SIMC1: variants seen among roughly 807,000 people sequenced by gnomAD.
SIMC1 encodes SUMO-interacting motif-containing protein 1.
A neutral mutation model predicts 82.3 loss-of-function variants in SIMC1; 55 were observed. The ratio of observed to expected loss-of-function variants is 0.67; its 90% CI spans 0.54 to 0.84. The LOEUF (loss-of-function observed/expected upper bound fraction) is 0.84, where lower values mean the gene tolerates loss of function less well. Among genes scored for constraint, SIMC1 ranks in the 40% least tolerant of loss-of-function variants. The pLI, the probability that SIMC1 is intolerant of heterozygous loss-of-function variation, is 0.00. For synonymous variants in SIMC1, 353 were observed against 426.3 expected, an observed-to-expected ratio of 0.83 and a Z score of 2.12; for missense variants, 915 against 1,107.2, an observed-to-expected ratio of 0.83 and a Z score of 2.46.
intron 1 of SIMC1, among the ~76,000 whole-genome samples, chr5:176,246,210 C>T (rs995370862): frequency 6.6e-6 from 1 of 151,694 alleles, no homozygotes; most frequent in Non-Finnish European, 1.5e-5. Context: ...CGGGGTTTCA[C>T]CATATTGGCC....
chr5:176,258,035 A>G (rs1387141562), intron 1 of SIMC1, among the ~76,000 whole-genome samples: 1 of 152,192 alleles, frequency 6.6e-6, no homozygotes, highest in East Asian at 1.9e-4. Context: ...ATGTCTTTAC[A>G]ATATTGTCTT....
intron 1 of SIMC1, among the ~76,000 whole-genome samples, chr5:176,282,522 G>A (rs570199512): frequency 5.3e-5 from 8 of 152,316 alleles, no homozygotes; most frequent in East Asian, 3.9e-4. Context: ...CGTCTTCTGC[G>A]TCGCTCACGC....
At chr5:176,250,781 A>C (rs963338739) in intron 1 of SIMC1, among the ~76,000 whole-genome samples, 4 of 152,096 alleles carry the variant, frequency 2.6e-5, no homozygotes, top group African/African-American at 9.7e-5. Context: ...CTAGCATTGC[A>C]ACCCTTTTTG....
intron 1 of SIMC1, chr5:176,270,197 C>T (rs1461990144): frequency 4.0e-5 from 6 of 151,874 alleles, no homozygotes; most frequent in African/African-American, 1.2e-4. Context: ...AATATAAATT[C>T]TGATATTAGT....
At chr5:176,309,159 T>C (rs928010114) in intron 4 of SIMC1, 3 of 604,114 alleles carry the variant, frequency 5.0e-6, no homozygotes, top group Non-Finnish European at 8.8e-6. Flanking sequence ...ATAGATGGTA[T>C]TGGCAGAGGA....
intron 1 of SIMC1, among the ~76,000 whole-genome samples, chr5:176,268,766 C>T (rs568486296): frequency 1.9e-4 from 29 of 152,246 alleles, no homozygotes; most frequent in South Asian, 8.3e-4. Flanking sequence ...AAAACTGGAT[C>T]GCCCCCACCA....
intron 5 of SIMC1, among the ~76,000 whole-genome samples, chr5:176,321,197 TATC>T (rs1333417033): frequency 6.6e-6 from 1 of 152,224 alleles, no homozygotes; most frequent in African/African-American, 2.4e-5. Context: ...TATTAAAAGG[TATC>T]ATGCTATATG....
intron 1 of SIMC1, among the ~76,000 whole-genome samples, chr5:176,259,284 G>A (rs1251565200): frequency 1.3e-5 from 2 of 151,852 alleles, no homozygotes; most frequent in Non-Finnish European, 2.9e-5. Flanking sequence ...TCGACAATAT[G>A]GTAAAGCCCC....
At chr5:176,258,849 T>TGGG (rs1413680139) in intron 1 of SIMC1, among the ~76,000 whole-genome samples, 2 of 152,198 alleles carry the variant, frequency 1.3e-5, no homozygotes, top group African/African-American at 4.8e-5. Context: ...GAACTGTCTT[T>TGGG]GGGAGGTTGG....
intron 1 of SIMC1, among the ~76,000 whole-genome samples, chr5:176,276,754 A>G (rs1762722800): frequency 7.1e-6 from 1 of 141,776 alleles, no homozygotes; most frequent in Non-Finnish European, 1.5e-5. Flanking sequence ...AATTTCATCC[A>G]TGTCCCTACA....
At chr5:176,307,190 T>C (rs1033932884) in intron 4 of SIMC1, among the ~76,000 whole-genome samples, 3 of 152,172 alleles carry the variant, frequency 2.0e-5, no homozygotes, top group Admixed American at 6.5e-5. Flanking sequence ...AATTAGAACC[T>C]TTGTGCACTC....
Position 176,290,183 on chromosome 5 carries a change from C to G in SIMC1, c.659C>G (p.Pro220Arg). 6.2e-7 allele frequency: 1 copy of G among 1,612,224 alleles called. No individual in the cohort carries two copies. Among genetic ancestry groups the G allele is most frequent in the Non-Finnish European group, 8.5e-7 (1 of 1,178,984 alleles). The part of the protein sequence containing the change: ...QDVSRPPQAL[P>R]CPLRPLPCPP... ...GTATCTCGCCCACCACAGGCCTTGC[C>G]GTGCCCCCTGCGACCTTTGCCATGC... Residue 220 changes from proline to arginine, a missense_variant, in exon 2 of 10, where the codon CCG becomes CGG. Pro to Arg is a moderately radical substitution (Grantham distance 103). Coordinates refer to ENST00000429602, the MANE Select transcript of SIMC1 (RefSeq NM_001308195.2).
intron 1 of SIMC1, among the ~76,000 whole-genome samples, chr5:176,255,176 T>A (rs1180780404): frequency 6.6e-6 from 1 of 151,880 alleles, no homozygotes; most frequent in Non-Finnish European, 1.5e-5. Flanking sequence ...CTCCAGAGGC[T>A]GAGGTTGCAG....
chr5:176,336,195 G>T (rs771021604), intron 7 of SIMC1, among the ~76,000 whole-genome samples: 1 of 152,128 alleles, frequency 6.6e-6, no homozygotes, highest in Non-Finnish European at 1.5e-5. Context: ...ACTCTCACCA[G>T]TGCTTCTGCC....
intron 1 of SIMC1, among the ~76,000 whole-genome samples, chr5:176,248,332 A>G (rs1192980228): frequency 6.6e-6 from 1 of 152,058 alleles, no homozygotes; most frequent in Non-Finnish European, 1.5e-5. Flanking sequence ...CATCCCTTGT[A>G]AGTTGTATTC....
At chr5:176,293,306 C>A (rs1428051166) in intron 2 of SIMC1, among the ~76,000 whole-genome samples, 1 of 151,138 alleles carries the variant, frequency 6.6e-6, no homozygotes, top group African/African-American at 2.4e-5. Context: ...TATGGTGGCA[C>A]ACACCTATAT....
rs1761195675 is a variant in SIMC1, at chr5:176,238,610, C to T, written c.102C>T (p.Thr34=). Residue 34 remains threonine, a synonymous_variant, in exon 1 of 10, where the codon ACC becomes ACT. Coordinates refer to ENST00000429602, the MANE Select transcript of SIMC1 (RefSeq NM_001308195.2). ...SRRPRRALSR[T]SGALPRRTVD... Reference sequence around the variant, plus strand: ...GGCCGCGCCGGGCCCTGTCGCGAACCTCCGGCGCGCTGCCCCGCCGGACCG... The same window carrying T: ...GGCCGCGCCGGGCCCTGTCGCGAACTTCCGGCGCGCTGCCCCGCCGGACCG... The T allele has an allele frequency of 4.0e-6, 5 of 1,238,124 alleles. No individual in the cohort carries two copies. The highest frequency in any genetic ancestry group is 5.0e-6 in the Non-Finnish European group (5 of 990,484). 76.7% of individuals were successfully genotyped at this position (1,238,124 alleles called of 1,614,324 possible). A position where few individuals can be genotyped will look rare whatever the true frequency, so the allele number is the denominator to read the frequency against.
chr5:176,341,740 G>A (rs944983987), intron 9 of SIMC1, among the ~76,000 whole-genome samples: 1 of 149,678 alleles, frequency 6.7e-6, no homozygotes, highest in Non-Finnish European at 1.5e-5. Context: ...TTAGGTAGGA[G>A]ATTCCTATAG....
intron 2 of SIMC1, 59 bp from the exon 3 acceptor site, chr5:176,294,964 CAAAAAAA>C (rs70991529): frequency 8.2e-5 from 99 of 1,211,516 alleles, no homozygotes; most frequent in Middle Eastern, 2.6e-4. Context: ...GACTCCGTCT[CAAAAAAA>C]AAAAAAAAAA....
Sources: allele counts gnomAD v4.1 joint callset (sites outside exome capture counted in the v4.1 genomes callset), GRCh38; gene constraint gnomAD v4.1.1; transcripts MANE v1.5; gene names NCBI Gene and HGNC (gene_info 2026-07-23, HGNC 2026-07-21).